Variants in PIKFYVE observed in about 807,000 individuals in gnomAD.
The protein encoded by PIKFYVE is phosphoinositide kinase, FYVE-type zinc finger containing, also known as 1-phosphatidylinositol 3-phosphate 5-kinase.
Under a neutral mutation model 257.9 loss-of-function variants are expected in PIKFYVE, and 122 were observed. The ratio of observed to expected loss-of-function variants is 0.47; its 90% CI spans 0.41 to 0.55. PIKFYVE has a LOEUF of 0.55. PIKFYVE is among the 20% of genes least tolerant of loss of function. The pLI is 0.00. For missense variants in PIKFYVE, 2,160 were observed against 2,536.6 expected, an observed-to-expected ratio of 0.85 and a Z score of 3.19; for synonymous variants, 892 against 868.9, an observed-to-expected ratio of 1.03 and a Z score of -0.47.
At chr2:208,333,932 C>T (rs1227743278) in intron 24 of PIKFYVE, among the ~76,000 whole-genome samples, 1 of 152,198 alleles carries the variant, frequency 6.6e-6, no homozygotes, top group Non-Finnish European at 1.5e-5. Flanking sequence ...TGTGAGCCAT[C>T]ATGTCGGGCC....
chr2:208,311,333 G>C (rs933182499), intron 12 of PIKFYVE, among the ~76,000 whole-genome samples: 1 of 152,122 alleles, frequency 6.6e-6, no homozygotes, highest in African/African-American at 2.4e-5. Context: ...TAGTGCACTT[G>C]AACTTTCTAA....
intron 17 of PIKFYVE, among the ~76,000 whole-genome samples, chr2:208,321,856 C>G (rs1041978076): frequency 6.6e-6 from 1 of 152,054 alleles, no homozygotes. Flanking sequence ...GGATTACAGG[C>G]GTGAGCCACA....
intron 1 of PIKFYVE, 87 bp downstream of exon 1, chr2:208,266,502 T>A (rs1688645275): frequency 6.6e-6 from 1 of 152,390 alleles, no homozygotes; most frequent in Non-Finnish European, 1.5e-5. Flanking sequence ...AGAGCTGAGG[T>A]GAAAGTGAGA....
intron 40 of PIKFYVE, 63 bp downstream of exon 40, chr2:208,354,222 C>G: frequency 6.5e-7 from 1 of 1,534,230 alleles, no homozygotes; most frequent in Non-Finnish European, 8.9e-7. Flanking sequence ...TTTAAAGATT[C>G]TATTGAACCT....
chr2:208,299,785 A>G (rs1457394156), intron 8 of PIKFYVE, among the ~76,000 whole-genome samples: 1 of 152,240 alleles, frequency 6.6e-6, no homozygotes, highest in African/African-American at 2.4e-5. Flanking sequence ...TGTGCATAAA[A>G]TACTGTGTTC....
At chr2:208,320,032 G>C (rs1253189872) in intron 16 of PIKFYVE, among the ~76,000 whole-genome samples, 1 of 151,858 alleles carries the variant, frequency 6.6e-6, no homozygotes, top group African/African-American at 2.4e-5. Context: ...TATTAAGAAA[G>C]AAAAGCCATT....
At position 208,343,020 on chromosome 2, in the gene PIKFYVE, C is replaced by T. The variant is rs1259586873; in HGVS notation, c.5027+371C>T. Among the ~76,000 whole-genome samples, 4 of 152,022 alleles carry T rather than the reference C, an allele frequency of 2.6e-5. No individual in the cohort carries two copies. The East Asian group carries it at 5.8e-4, about 22-fold the overall frequency. On this transcript the variant is annotated intron_variant, in intron 32 of 41. Transcript: ENST00000264380. Reference sequence around the variant, plus strand: ...ATAATGGTTGGGCTGGTCTTGAACTCCTGACCTCAGGTGATCCACCCACCT... The same window carrying T: ...ATAATGGTTGGGCTGGTCTTGAACTTCTGACCTCAGGTGATCCACCCACCT...
At chr2:208,336,999 C>A in intron 28 of PIKFYVE, 71 bp downstream of exon 28, 2 of 1,208,724 alleles carry the variant, frequency 1.7e-6, no homozygotes, top group Non-Finnish European at 2.4e-6. Context: ...TAATACTTAG[C>A]AGGGATAGTT....
chr2:208,298,667 T>G lies in PIKFYVE; in HGVS notation c.938T>G (p.Leu313Arg). ...TCAGCCAGCATTACTAACCTGTCACTGGATAGATCTGGTTCTCCTATGGTA... is the reference window on the plus strand; with the variant it reads ...TCAGCCAGCATTACTAACCTGTCACGGGATAGATCTGGTTCTCCTATGGTA... ...NRSASITNLS[L>R]DRSGSPMVPS... The change falls in exon 8 of 42, where the codon CTG becomes CGG. Residue 313 changes from leucine to arginine, a missense_variant. This residue lies in a region of PIKFYVE where 187 missense variants were observed against 185.6 expected (regional missense o/e 1.01). Transcript: ENST00000264380. The G allele has an allele frequency of 6.2e-7, 1 of 1,614,152 alleles. No individual in the cohort carries two copies. The highest frequency in any genetic ancestry group is 8.5e-7 in the Non-Finnish European group (1 of 1,179,984).
chr2:208,352,909 A>G, intron 39 of PIKFYVE, 127 bp downstream of exon 39: 1 of 1,232,952 alleles, frequency 8.1e-7, no homozygotes, highest in Non-Finnish European at 1.1e-6. Flanking sequence ...TTACTAGGCC[A>G]TATTTAACTT....
intron 16 of PIKFYVE, among the ~76,000 whole-genome samples, chr2:208,318,676 A>G (rs1482667589): frequency 6.6e-6 from 1 of 152,142 alleles, no homozygotes. Context: ...CTGTATTTAA[A>G]GTAGGCACTA....
rs1260929433 is a variant in PIKFYVE, at chr2:208,317,960, G to A, written c.2082+19G>A. ...TAAAAAGGTAATGTGATTCAGTTCA[G>A]CAGTGAAGTTCAGCAAACCATGGCT... On this transcript the variant is annotated intron_variant, in intron 16 of 41. Coordinates refer to ENST00000264380, the MANE Select transcript of PIKFYVE (RefSeq NM_015040.4). The A allele has an allele frequency of 5.0e-6, 6 of 1,199,858 alleles. No homozygotes were observed. Among genetic ancestry groups the A allele is most frequent in the East Asian group, 2.3e-5 (1 of 43,760 alleles). 74.3% of individuals were successfully genotyped at this position (1,199,858 alleles called of 1,614,324 possible).
chr2:208,312,013 A>G (rs1379656833), intron 12 of PIKFYVE, among the ~76,000 whole-genome samples: 1 of 152,158 alleles, frequency 6.6e-6, no homozygotes, highest in Admixed American at 6.5e-5. Flanking sequence ...TCACGGCTCT[A>G]TTGTGTTATT....
rs182020111 is a variant in PIKFYVE at position 208,337,265 on chromosome 2, C to T, written c.4611+337C>T. Among the ~76,000 whole-genome samples, 20 of 152,082 alleles carry T rather than the reference C, an allele frequency of 1.3e-4. No individual in the cohort carries two copies. The East Asian group carries it at 2.5e-3, about 19-fold the overall frequency. On this transcript the variant is annotated intron_variant, in intron 28 of 41. Transcript: ENST00000264380. ...TAGGGTGCTCATTTATTTTATACTC[C>T]GCAGTTTTGGTTGTTTTTAAAATCT...
Position 208,305,028 on chromosome 2 carries a change from C to T in PIKFYVE, c.1636+15C>T. ...TGACCAAAAAGGTAGGAGGTAGTCA[C>T]CATCTGGAATCCAAACACAGGCTGG... On this transcript the variant is annotated intron_variant, in intron 12 of 41. Coordinates refer to ENST00000264380, the MANE Select transcript of PIKFYVE (RefSeq NM_015040.4). The T allele has an allele frequency of 1.2e-6, 2 of 1,614,012 alleles. No homozygotes were observed. The highest frequency in any genetic ancestry group is 1.3e-5 in the African/African-American group (1 of 75,062).
intron 32 of PIKFYVE, among the ~76,000 whole-genome samples, chr2:208,343,674 G>A (rs1460880097): frequency 6.6e-6 from 1 of 152,070 alleles, no homozygotes; most frequent in African/African-American, 2.4e-5. Context: ...TGAAACCATG[G>A]AAAGTGAAAC....
chr2:208,280,740 A>G (rs1364623889), intron 5 of PIKFYVE, among the ~76,000 whole-genome samples: 1 of 152,202 alleles, frequency 6.6e-6, no homozygotes, highest in South Asian at 2.1e-4. Flanking sequence ...TCATGATTCA[A>G]GTTGGACTTA....
chr2:208,298,569 A>C (rs751559682), intron 7 of PIKFYVE, 72 bp from the exon 8 acceptor site: 703 of 1,547,194 alleles, frequency 4.5e-4, no homozygotes, highest in Non-Finnish European at 6.1e-4. Context: ...TTTAAAAATG[A>C]ATTTTCTCTG....
chr2:208,267,314 G>A (rs73070976), intron 1 of PIKFYVE, among the ~76,000 whole-genome samples: 2,020 of 152,116 alleles, frequency 0.013, 47 homozygotes, highest in African/African-American at 0.045. Flanking sequence ...TTGTGTTTGT[G>A]ACAAAGATTG....
Sources: gnomAD v4.1 joint callset for allele counts (sites outside exome capture counted in the v4.1 genomes callset) on GRCh38, gnomAD v4.1.1 for gene constraint, gnomAD v4.1.1 regional missense constraint, MANE v1.5 for transcripts, NCBI Gene and HGNC (gene_info 2026-07-23, HGNC 2026-07-21) for gene names.